The following PLD1 variants were observed in gnomAD, a reference collection of about 807,000 sequenced individuals.
PLD1 encodes phospholipase D1, also known as choline phosphatase 1.
In PLD1, 112 loss-of-function variants were observed where a neutral mutation model predicts 137.1. The ratio of observed to expected loss-of-function variants is 0.82; its 90% CI spans 0.70 to 0.96. PLD1 has a LOEUF of 0.96. PLD1 is among the 40% of genes least tolerant of loss of function. The probability of loss-of-function intolerance (pLI) is 0.00; values close to 1 mark genes in which losing one functional copy is unlikely to be tolerated. For missense variants in PLD1, 1,321 were observed against 1,342.0 expected (o/e 0.98, Z 0.24); for synonymous variants, 431 against 454.7 (o/e 0.95, Z 0.66).
chr3:171,629,713 T>C (rs1232151484), intron 23 of PLD1, among the ~76,000 whole-genome samples: 3 of 151,856 alleles, frequency 2.0e-5, no homozygotes, highest in Non-Finnish European at 4.4e-5. Context: ...ACGCCGCATA[T>C]CTACAACTAT....
At chr3:171,738,841 A>G (rs1481100186) in intron 1 of PLD1, among the ~76,000 whole-genome samples, 2 of 152,212 alleles carry the variant, frequency 1.3e-5, no homozygotes, top group Non-Finnish European at 2.9e-5. Context: ...GTTCACATGG[A>G]TATTATTTTT....
At chr3:171,628,684 C>T in intron 23 of PLD1, among the ~76,000 whole-genome samples, 1 of 151,074 alleles carries the variant, frequency 6.6e-6, no homozygotes, top group Non-Finnish European at 1.5e-5. Flanking sequence ...GGCTTCATCC[C>T]TGGGATGCAA....
At chr3:171,758,886 C>T (rs750152361) in intron 1 of PLD1, among the ~76,000 whole-genome samples, 2 of 152,190 alleles carry the variant, frequency 1.3e-5, no homozygotes, top group Admixed American at 6.5e-5. Context: ...TTCTACTTCT[C>T]TCTGAAATTT....
intron 1 of PLD1, among the ~76,000 whole-genome samples, chr3:171,744,060 A>G (rs929429397): frequency 2.2e-4 from 33 of 152,258 alleles, no homozygotes. Context: ...TGTTAGAAAC[A>G]GATTGGCTGC....
At chr3:171,652,189 G>A (rs866482864) in intron 21 of PLD1, among the ~76,000 whole-genome samples, 11 of 152,000 alleles carry the variant, frequency 7.2e-5, no homozygotes, top group East Asian at 3.9e-4. Flanking sequence ...CAAGGCGGGC[G>A]GACCACGAGG....
chr3:171,752,095 T>C (rs1388222889), intron 1 of PLD1, among the ~76,000 whole-genome samples: 2 of 152,224 alleles, frequency 1.3e-5, no homozygotes, highest in African/African-American at 4.8e-5. Context: ...TGGAATGCTA[T>C]ACAGCAGAGA....
chr3:171,618,850 T>TGTGTGTAC (rs1459103928), intron 24 of PLD1, among the ~76,000 whole-genome samples: 2 of 140,904 alleles, frequency 1.4e-5, no homozygotes, highest in African/African-American at 5.7e-5. Context: ...ATATTAAAAG[T>TGTGTGTAC]GTGTGTGCGT....
At chr3:171,783,626 G>A (rs1379634535) in intron 1 of PLD1, among the ~76,000 whole-genome samples, 2 of 151,942 alleles carry the variant, frequency 1.3e-5, no homozygotes, top group African/African-American at 4.8e-5. Context: ...GATAGGGTTT[G>A]TTTGTTTGTT....
At chr3:171,740,876 A>G (rs1328626583) in intron 1 of PLD1, among the ~76,000 whole-genome samples, 1 of 152,226 alleles carries the variant, frequency 6.6e-6, no homozygotes, top group Non-Finnish European at 1.5e-5. Flanking sequence ...GAGTTAAACA[A>G]TCGTCCAAGG....
In PLD1 at chr3:171,602,999, G is replaced by T; in HGVS notation, c.*79C>A. ...ACGAGAATGCGTCAGGCCTGGCTTT[G>T]GCTATGACATCCCCAGGAAGTCACT... On this transcript the variant is annotated 3_prime_UTR_variant, in exon 27 of 27. Transcript: ENST00000351298. The T allele has an allele frequency of 9.5e-7, 1 of 1,047,648 alleles. No homozygotes were observed. The highest frequency in any genetic ancestry group is 1.5e-6 in the Non-Finnish European group (1 of 683,236). 64.9% of individuals were successfully genotyped at this position (1,047,648 alleles called of 1,614,324 possible). A position where few individuals can be genotyped will look rare whatever the true frequency, so the allele number is the denominator to read the frequency against.
chr3:171,688,978 C>T, intron 13 of PLD1, 102 bp from the exon 14 acceptor site: 1 of 782,232 alleles, frequency 1.3e-6, no homozygotes, highest in Non-Finnish European at 2.2e-6. Context: ...TTCTATAATT[C>T]AAATACCAAA....
chr3:171,754,013 T>C (rs879807278), intron 1 of PLD1, among the ~76,000 whole-genome samples: 1 of 152,182 alleles, frequency 6.6e-6, no homozygotes, highest in African/African-American at 2.4e-5. Context: ...TTGGGACTCA[T>C]ATCAGGTGTC....
intron 25 of PLD1, among the ~76,000 whole-genome samples, chr3:171,607,823 G>C (rs1445205852): frequency 6.6e-6 from 1 of 152,134 alleles, no homozygotes; most frequent in South Asian, 2.1e-4. Context: ...GACTTGAACT[G>C]TTCAGCTTAT....
intron 1 of PLD1, among the ~76,000 whole-genome samples, chr3:171,744,354 T>C (rs963095113): frequency 3.9e-5 from 6 of 152,100 alleles, no homozygotes; most frequent in African/African-American, 1.4e-4. Context: ...AGACATGGAA[T>C]CACCCAGCCG....
At chr3:171,620,283 G>A (rs1733475679) in intron 24 of PLD1, 103 bp downstream of exon 24, 1 of 761,314 alleles carries the variant, frequency 1.3e-6, no homozygotes, top group Non-Finnish European at 2.1e-6. Flanking sequence ...GTTACTGTCT[G>A]TTTCAAATGC....
intron 1 of PLD1, among the ~76,000 whole-genome samples, chr3:171,764,598 A>G (rs1721677218): frequency 6.6e-6 from 1 of 151,942 alleles, no homozygotes; most frequent in African/African-American, 2.4e-5. Context: ...CCAGAGGCCA[A>G]AAACAAGTCA....
chr3:171,625,256 A>G (rs1187146572), intron 23 of PLD1, among the ~76,000 whole-genome samples: 1 of 152,190 alleles, frequency 6.6e-6, no homozygotes, highest in African/African-American at 2.4e-5. Context: ...GATTGCTAGC[A>G]CAGCAGTCTG....
chr3:171,604,398 T>G (rs1294700031), intron 26 of PLD1, among the ~76,000 whole-genome samples: 1 of 150,948 alleles, frequency 6.6e-6, no homozygotes, highest in Non-Finnish European at 1.5e-5. Flanking sequence ...ATAATAAGTT[T>G]CTCTGCTGGA....
intron 23 of PLD1, among the ~76,000 whole-genome samples, chr3:171,629,692 C>T (rs1734488603): frequency 1.3e-5 from 2 of 151,780 alleles, no homozygotes; most frequent in Non-Finnish European, 2.9e-5. Context: ...AGAACAGAGC[C>T]CTCAGAAATA....
Sources: allele counts gnomAD v4.1 joint callset (sites outside exome capture counted in the v4.1 genomes callset), GRCh38; gene constraint gnomAD v4.1.1; transcripts MANE v1.5; gene names NCBI Gene and HGNC (gene_info 2026-07-23, HGNC 2026-07-21).